Variants in RPRD1A observed in about 807,000 individuals in gnomAD.
RPRD1A encodes regulation of nuclear pre-mRNA domain containing 1A.
In RPRD1A, 9 loss-of-function variants were observed where a neutral mutation model predicts 37.8. The ratio of observed to expected loss-of-function variants is 0.24; its 90% CI spans 0.14 to 0.42. The LOEUF (loss-of-function observed/expected upper bound fraction) is 0.42, where lower values mean the gene tolerates loss of function less well. RPRD1A is among the 10% of genes least tolerant of loss of function. The pLI is 1.00. For synonymous variants in RPRD1A, 138 were observed against 139.7 expected (o/e 0.99, Z 0.08); for missense variants, 255 against 371.0 (o/e 0.69, Z 2.57).
At chr18:36,000,583 C>G (rs1242595253) in intron 6 of RPRD1A, among the ~76,000 whole-genome samples, 1 of 152,286 alleles carries the variant, frequency 6.6e-6, no homozygotes, top group Non-Finnish European at 1.5e-5. Context: ...GTAGATGTTA[C>G]AAAGAAACTT....
At chr18:36,033,658 A>G in intron 2 of RPRD1A, 50 bp downstream of exon 2, 2 of 1,510,234 alleles carry the variant, frequency 1.3e-6, no homozygotes, top group Non-Finnish European at 1.8e-6. Context: ...GCAAAAGGAC[A>G]TATGGTACAT....
chr18:36,022,768 C>CAA (rs1911078443), intron 6 of RPRD1A, among the ~76,000 whole-genome samples: 1 of 152,110 alleles, frequency 6.6e-6, no homozygotes, highest in Non-Finnish European at 1.5e-5. Context: ...TCAAGACTAG[C>CAA]CTGGGCAACA....
chr18:36,041,549 A>G (rs1341418175), intron 1 of RPRD1A, among the ~76,000 whole-genome samples: 2 of 152,254 alleles, frequency 1.3e-5, no homozygotes, highest in Non-Finnish European at 1.5e-5. Context: ...AACAAATTAA[A>G]AACACACACT....
chr18:35,990,758 A>G lies in RPRD1A; in HGVS notation c.*2393T>C, dbSNP rs1249322581. The G allele has an allele frequency of 1.3e-5, 2 of 152,202 alleles. No individual in the cohort carries two copies. The highest frequency in any genetic ancestry group is 2.4e-5 in the African/African-American group (1 of 41,442). The allele number at this position is 152,202 out of a possible 1,614,324, so 9.4% of individuals were successfully genotyped here. On this transcript the variant is annotated 3_prime_UTR_variant, in exon 7 of 7. Transcript: ENST00000399022. ...TCATGATTTACAATTTGGTATTATAATACCCCCAACTAATCCCATTTCTTG... is the reference window on the plus strand; with the variant it reads ...TCATGATTTACAATTTGGTATTATAGTACCCCCAACTAATCCCATTTCTTG...
intron 2 of RPRD1A, among the ~76,000 whole-genome samples, chr18:36,032,338 G>C (rs1333980490): frequency 6.6e-6 from 1 of 152,154 alleles, no homozygotes; most frequent in African/African-American, 2.4e-5. Flanking sequence ...GAATTCTAGG[G>C]AGGGGCAACA....
At chr18:36,018,803 A>C (rs1047217980) in intron 6 of RPRD1A, among the ~76,000 whole-genome samples, 1 of 152,184 alleles carries the variant, frequency 6.6e-6, no homozygotes, top group Non-Finnish European at 1.5e-5. Context: ...ACAATGTAAT[A>C]CAGTTGGGAA....
In RPRD1A at chr18:36,046,887, T is replaced by TAA. The variant is rs140735259; in HGVS notation, c.152-13052_152-13051dup. 1.5e-3 allele frequency among the ~76,000 whole-genome samples: 198 copies of TAA among 131,910 alleles called. 1 individual carries two copies. Among genetic ancestry groups the TAA allele is most frequent in the African/African-American group, 4.0e-3 (143 of 35,648 alleles). 86.5% of individuals were successfully genotyped at this position (131,910 alleles called of 152,430 possible). ...AACCTCCCAAAATCCATGCATCCAC[T>TAA]AAAAAAAAAAAAAATCACCCCATAT... On this transcript the variant is annotated intron_variant, in intron 1 of 6. Coordinates refer to ENST00000399022, the MANE Select transcript of RPRD1A (RefSeq NM_018170.5).
chr18:36,050,146 TCTG>T (rs1330138961), intron 1 of RPRD1A, among the ~76,000 whole-genome samples: 2 of 151,974 alleles, frequency 1.3e-5, no homozygotes, highest in Non-Finnish European at 2.9e-5. Flanking sequence ...GGAAAAAAGT[TCTG>T]GAGATAATGA....
At chr18:36,042,496 A>G (rs1427371402) in intron 1 of RPRD1A, among the ~76,000 whole-genome samples, 1 of 152,228 alleles carries the variant, frequency 6.6e-6, no homozygotes, top group Non-Finnish European at 1.5e-5. Flanking sequence ...AGAGAGGGGA[A>G]CACATGTAAA....
chr18:36,007,224 G>A (rs1909799771), intron 6 of RPRD1A, among the ~76,000 whole-genome samples: 1 of 152,108 alleles, frequency 6.6e-6, no homozygotes, highest in African/African-American at 2.4e-5. Flanking sequence ...ATCCTGAATG[G>A]CTTTTTTGAA....
intron 1 of RPRD1A, chr18:36,040,674 T>C (rs1220589760): frequency 7.5e-6 from 4 of 532,722 alleles, no homozygotes; most frequent in Admixed American, 3.8e-5. Flanking sequence ...AAACTAGAGT[T>C]GTGATCACAG....
chr18:36,023,139 T>C (rs1238888289), intron 6 of RPRD1A, among the ~76,000 whole-genome samples: 1 of 152,232 alleles, frequency 6.6e-6, no homozygotes, highest in Non-Finnish European at 1.5e-5. Context: ...CGTAAGGCTA[T>C]ATAGCTGCCA....
chr18:36,016,536 C>G lies in RPRD1A; in HGVS notation c.789+10364G>C, dbSNP rs753259779. ...CCGCGCCCGGCCTGTTTTGTTAAAA[C>G]TGTAACTAACTCAAGCATGAAAACC... On this transcript the variant is annotated intron_variant, in intron 6 of 6. Transcript: ENST00000399022. Among the ~76,000 whole-genome samples the G allele has an allele frequency of 1.6e-4, 24 of 152,214 alleles. 1 individual carries two copies. The highest frequency in any genetic ancestry group is 6.8e-3 in the Middle Eastern group (2 of 294).
chr18:36,052,560 G>A (rs1913475652), intron 1 of RPRD1A, among the ~76,000 whole-genome samples: 1 of 151,968 alleles, frequency 6.6e-6, no homozygotes, highest in South Asian at 2.1e-4. Context: ...GAAGAACAGA[G>A]TTTTTGTATG....
chr18:36,025,153 T>C (rs928591159), intron 6 of RPRD1A: 3 of 152,468 alleles, frequency 2.0e-5, no homozygotes, highest in African/African-American at 7.2e-5. Context: ...ATGTGTCTTT[T>C]TGATGAAGTG....
intron 2 of RPRD1A, among the ~76,000 whole-genome samples, chr18:36,031,831 C>T (rs762646332): frequency 2.0e-5 from 3 of 152,190 alleles, no homozygotes; most frequent in Non-Finnish European, 4.4e-5. Flanking sequence ...CCAAGAGCTA[C>T]CAATCACATC....
intron 6 of RPRD1A, among the ~76,000 whole-genome samples, chr18:35,995,266 T>G (rs1013831146): frequency 1.9e-4 from 28 of 148,286 alleles, no homozygotes; most frequent in Non-Finnish European, 3.6e-4. Flanking sequence ...TTTTCGTTTT[T>G]TTTTTTTTTT....
chr18:36,025,621 G>T, intron 6 of RPRD1A: 1 of 1,287,436 alleles, frequency 7.8e-7, no homozygotes, highest in Non-Finnish European at 1.0e-6. Flanking sequence ...TTTATTTTTA[G>T]CAGGAAGAAT....
At chr18:36,026,730 G>A in intron 6 of RPRD1A, 170 bp downstream of exon 6, 1 of 482,808 alleles carries the variant, frequency 2.1e-6, no homozygotes, top group African/African-American at 2.0e-5. Flanking sequence ...AGATTAATTT[G>A]GTTCAAGTAG....
Sources: allele counts gnomAD v4.1 joint callset (sites outside exome capture counted in the v4.1 genomes callset), GRCh38; gene constraint gnomAD v4.1.1; transcripts MANE v1.5; gene names NCBI Gene and HGNC (gene_info 2026-07-23, HGNC 2026-07-21).